The following TMEM38A variants were observed in gnomAD, a reference collection of about 807,000 sequenced individuals.
TMEM38A encodes the protein trimeric intracellular cation channel type A.
Under a neutral mutation model 28.6 loss-of-function variants are expected in TMEM38A, and 17 were observed. The observed-to-expected ratio is 0.60, with a 90% CI of 0.41 to 0.89. TMEM38A has a LOEUF of 0.89. TMEM38A is among the 40% of genes least tolerant of loss of function. The probability of loss-of-function intolerance (pLI) is 0.00; values close to 1 mark genes in which losing one functional copy is unlikely to be tolerated. For missense variants in TMEM38A, 328 were observed against 393.1 expected, an observed-to-expected ratio of 0.83 and a Z score of 1.40; for synonymous variants, 169 against 166.1, an observed-to-expected ratio of 1.02 and a Z score of -0.14.
At chr19:16,682,243 G>A (rs996556875) in intron 3 of TMEM38A, among the ~76,000 whole-genome samples, 178 bp from the exon 4 acceptor site, 1 of 152,080 alleles carries the variant, frequency 6.6e-6, no homozygotes, top group Non-Finnish European at 1.5e-5. Context: ...TCCTCAGCAA[G>A]GCTCTGTCCT....
intron 1 of TMEM38A, among the ~76,000 whole-genome samples, chr19:16,675,795 C>T (rs1199656769): frequency 1.3e-5 from 2 of 152,040 alleles, no homozygotes; most frequent in Admixed American, 6.6e-5. Flanking sequence ...CATCTGCCCG[C>T]CTCAGCCTCC....
intron 1 of TMEM38A, among the ~76,000 whole-genome samples, chr19:16,677,066 T>A: frequency 7.4e-6 from 1 of 134,562 alleles, no homozygotes; most frequent in East Asian, 2.5e-4. Flanking sequence ...CAGCCCTTTT[T>A]TTAAAAAGAA....
intron 3 of TMEM38A, 47 bp downstream of exon 3, chr19:16,680,628 T>C (rs1568316249): frequency 6.3e-7 from 1 of 1,591,646 alleles, no homozygotes; most frequent in Admixed American, 1.7e-5. Flanking sequence ...GGAGAACTTT[T>C]GGTTCAGTGG....
At chr19:16,663,321 T>A (rs1599383848) in intron 1 of TMEM38A, among the ~76,000 whole-genome samples, 2 of 151,062 alleles carry the variant, frequency 1.3e-5, no homozygotes, top group Non-Finnish European at 2.9e-5. Context: ...GTTGGAGCCC[T>A]GTGGGAATGT....
chr19:16,681,164 TG>T (rs1374385555), intron 3 of TMEM38A, among the ~76,000 whole-genome samples: 2 of 152,202 alleles, frequency 1.3e-5, no homozygotes, highest in Non-Finnish European at 2.9e-5. Context: ...GGCTCATGCC[TG>T]TAGTTCTAGC....
chr19:16,687,762 C>T (rs1207322155), intron 5 of TMEM38A, among the ~76,000 whole-genome samples: 3 of 152,168 alleles, frequency 2.0e-5, no homozygotes, highest in Admixed American at 1.3e-4. Flanking sequence ...CTCCAAAGGC[C>T]TTACCTCCTA....
intron 1 of TMEM38A, among the ~76,000 whole-genome samples, chr19:16,665,836 T>G (rs2086700680): frequency 6.6e-6 from 1 of 150,454 alleles, no homozygotes; most frequent in Admixed American, 6.6e-5. Flanking sequence ...TGAGATGCAG[T>G]CTTGTTTTGC....
At chr19:16,678,766 CA>C (rs61142232) in intron 1 of TMEM38A, among the ~76,000 whole-genome samples, 2,296 of 48,742 alleles carry the variant, frequency 0.047, 13 homozygotes, top group South Asian at 0.096. Flanking sequence ...ACCCTGTGTC[CA>C]AAAAAAAAAA....
chr19:16,675,978 T>G (rs1328073965), intron 1 of TMEM38A, among the ~76,000 whole-genome samples: 1 of 151,754 alleles, frequency 6.6e-6, no homozygotes, highest in Non-Finnish European at 1.5e-5. Flanking sequence ...AGAAACATTC[T>G]GTCCACAACA....
intron 1 of TMEM38A, among the ~76,000 whole-genome samples, chr19:16,665,978 T>TTTTTG (rs924630517): frequency 6.6e-6 from 1 of 151,430 alleles, no homozygotes; most frequent in African/African-American, 2.4e-5. Flanking sequence ...CCAGCTAATT[T>TTTTTG]TTTTGTTTTG....
At chr19:16,668,648 ATCTT>A (rs1252440682) in intron 1 of TMEM38A, among the ~76,000 whole-genome samples, 2 of 149,590 alleles carry the variant, frequency 1.3e-5, no homozygotes, top group African/African-American at 2.5e-5. Context: ...CCAACCACTG[ATCTT>A]TCTTTCTACT....
rs749110664 is a variant in TMEM38A at position 16,686,451 on chromosome 19, C to A, written c.672+46C>A. ...AGCATTCTTGCCTTGACCAATGCCA[C>A]CCTGCCACCTCCAGGTTGGGAGTGG... On this transcript the variant is annotated intron_variant, in intron 5 of 5. Transcript: ENST00000187762. 2.7e-6 allele frequency: 4 copies of A among 1,484,158 alleles called. 1 individual carries two copies. Among genetic ancestry groups the A allele is most frequent in the Non-Finnish European group, 3.7e-6 (4 of 1,069,058 alleles). 91.9% of individuals were successfully genotyped at this position (1,484,158 alleles called of 1,614,324 possible).
At chr19:16,662,416 G>C (rs888945583) in intron 1 of TMEM38A, among the ~76,000 whole-genome samples, 1 of 127,002 alleles carries the variant, frequency 7.9e-6, no homozygotes, top group African/African-American at 3.0e-5. Flanking sequence ...CGGCTATATA[G>C]TTATAAACGT....
Position 16,689,496 on chromosome 19 carries a change from G to A in TMEM38A, c.*1125G>A, listed in dbSNP as rs1394089636. ...AGAGATCAGATGGCGTGAAAGGCTT[G>A]TGATCTGTTCGTCTCAGGCTCCCCC... is the stretch of plus-strand genomic sequence containing the variant. On this transcript the variant is annotated 3_prime_UTR_variant, in exon 6 of 6. Transcript: ENST00000187762. 6.6e-6 allele frequency: 1 copy of A among 152,310 alleles called. No homozygotes were observed. The highest frequency in any genetic ancestry group is 1.9e-4 in the East Asian group (1 of 5,184). The allele number at this position is 152,310 out of a possible 1,614,324, so 9.4% of individuals were successfully genotyped here.
chr19:16,675,544 ATTTTTT>A (rs778592406), intron 1 of TMEM38A, among the ~76,000 whole-genome samples: 1 of 89,754 alleles, frequency 1.1e-5, no homozygotes. Context: ...TCTCTTGACT[ATTTTTT>A]TTTTTTTTTT....
Position 16,666,404 on chromosome 19 carries a change from A to T in TMEM38A, c.124+5063A>T, listed in dbSNP as rs188325182. On this transcript the variant is annotated intron_variant, in intron 1 of 5. Coordinates refer to ENST00000187762, the MANE Select transcript of TMEM38A (RefSeq NM_024074.4). ...AGTGCTGAAATTACAGGTGTGAGCC[A>T]CTGCTCTTGGCCAATTTAACTTTAA... Among the ~76,000 whole-genome samples the T allele has an allele frequency of 1.9e-3, 289 of 151,946 alleles. 2 individuals carry two copies. Among genetic ancestry groups the T allele is most frequent in the Admixed American group, 1.6e-3 (25 of 15,208 alleles).
At chr19:16,681,503 G>A (rs939402464) in intron 3 of TMEM38A, among the ~76,000 whole-genome samples, 3 of 152,070 alleles carry the variant, frequency 2.0e-5, no homozygotes, top group Non-Finnish European at 2.9e-5. Flanking sequence ...AGTGGGCCAA[G>A]GAGTAACAGG....
chr19:16,683,697 A>G (rs892297630), intron 4 of TMEM38A, among the ~76,000 whole-genome samples: 1 of 151,710 alleles, frequency 6.6e-6, no homozygotes, highest in African/African-American at 2.4e-5. Context: ...TAGGCTGGGC[A>G]CGGTGGCTCA....
At chr19:16,678,978 T>C (rs905563752) in intron 1 of TMEM38A, among the ~76,000 whole-genome samples, 1 of 150,734 alleles carries the variant, frequency 6.6e-6, no homozygotes, top group Non-Finnish European at 1.5e-5. Context: ...GTGAAACCCC[T>C]TCTCTACTGA....
Sources: allele counts gnomAD v4.1 joint callset (sites outside exome capture counted in the v4.1 genomes callset), GRCh38; gene constraint gnomAD v4.1.1; transcripts MANE v1.5; gene names NCBI Gene and HGNC (gene_info 2026-07-23, HGNC 2026-07-21).